ALOX15B: variants seen among roughly 807,000 people sequenced by gnomAD.
The protein encoded by ALOX15B is arachidonate 15-lipoxygenase type B.
In ALOX15B, 74 loss-of-function variants were observed where a neutral mutation model predicts 73.8. That is an observed-to-expected ratio of 1.00 (90% CI 0.83 to 1.22). The LOEUF (loss-of-function observed/expected upper bound fraction) is 1.22. ALOX15B is among the 50% of genes most tolerant of loss of function. The probability of loss-of-function intolerance (pLI) is 0.00; values close to 1 mark genes in which losing one functional copy is unlikely to be tolerated. For missense variants in ALOX15B, 896 were observed against 859.9 expected (o/e 1.04, Z -0.52); for synonymous variants, 353 against 357.2 (o/e 0.99, Z 0.13).
chr17:8,044,137 AAGGAAGGAAGGAAG>A (rs1976537593), intron 5 of ALOX15B, among the ~76,000 whole-genome samples: 2 of 148,668 alleles, frequency 1.3e-5, no homozygotes, highest in African/African-American at 5.0e-5. Context: ...GGAAGGAAGG[AAGGAAGGAAGGAAG>A]GAAAGAAAGA....
At chr17:8,041,330 T>C (rs937804292) in intron 3 of ALOX15B, among the ~76,000 whole-genome samples, 1 of 152,222 alleles carries the variant, frequency 6.6e-6, no homozygotes, top group East Asian at 1.9e-4. Context: ...TGGTTAAGAA[T>C]GTAGGTGGTC....
In ALOX15B at chr17:8,046,742, G is replaced by A. The variant is rs1444963437; in HGVS notation, c.1275G>A (p.Gln425=). 1 of 1,613,908 alleles carries A rather than the reference G, an allele frequency of 6.2e-7. No individual in the cohort carries two copies. The highest frequency in any genetic ancestry group is 2.2e-5 in the East Asian group (1 of 44,874). The change falls in exon 9 of 14, where the codon CAG becomes CAA. Residue 425 remains glutamine, a synonymous_variant. Transcript: ENST00000380183. The part of the protein sequence containing the change: ...LARELLIVPG[Q]VVDRSTGIGI... Reference sequence around the variant, plus strand: ...GGGAGCTGCTTATCGTGCCAGGGCAGGTGGTGGACAGGGTGAGAGCTGTGT... The same window carrying A: ...GGGAGCTGCTTATCGTGCCAGGGCAAGTGGTGGACAGGGTGAGAGCTGTGT...
In ALOX15B at chr17:8,044,963, G is replaced by A; in HGVS notation, c.811G>A (p.Val271Met). ...FPVTDAMVASVLGPGTSLQAE... is the reference protein window; with the variant it reads ...FPVTDAMVASMLGPGTSLQAE... ...CGTCACTGATGCCATGGTGGCCTCA[G>A]TGTTGGGTCCTGGGACCAGCTTGCA... Residue 271 changes from valine (V) to methionine (M), a missense_variant, in exon 6 of 14, where the codon GTG becomes ATG. Transcript: ENST00000380183. 8.7e-6 allele frequency: 14 copies of A among 1,614,174 alleles called. No individual in the cohort carries two copies. Among genetic ancestry groups the A allele is most frequent in the Non-Finnish European group, 1.1e-5 (13 of 1,180,034 alleles).
intron 3 of ALOX15B, among the ~76,000 whole-genome samples, chr17:8,040,365 C>T (rs544971230): frequency 1.3e-5 from 2 of 151,618 alleles, no homozygotes; most frequent in South Asian, 2.1e-4. Context: ...GCCAACAGGG[C>T]GAAACCCCAT....
At chr17:8,043,317 A>C (rs1976511466) in intron 5 of ALOX15B, among the ~76,000 whole-genome samples, 1 of 152,236 alleles carries the variant, frequency 6.6e-6, no homozygotes, top group South Asian at 2.1e-4. Flanking sequence ...GAGACCTCAA[A>C]GTTCAGTAGG....
chr17:8,048,125 G>T (rs1976663345), intron 13 of ALOX15B, among the ~76,000 whole-genome samples: 1 of 152,208 alleles, frequency 6.6e-6, no homozygotes, highest in Admixed American at 6.5e-5. Context: ...GTAGCAAGGG[G>T]AACGTGTAAT....
In ALOX15B at chr17:8,042,350, T is replaced by C; in HGVS notation, c.450-19T>C. 1 of 1,612,966 alleles carries C rather than the reference T, an allele frequency of 6.2e-7. No individual in the cohort carries two copies. The highest frequency in any genetic ancestry group is 1.1e-5 in the South Asian group (1 of 90,990). Reference sequence around the variant, plus strand: ...TCCCTGAGGCCTCTTGCTGACCACCTTCCCTCTCTACCCTCCAGGTGGAAG... The same window carrying C: ...TCCCTGAGGCCTCTTGCTGACCACCCTCCCTCTCTACCCTCCAGGTGGAAG... On this transcript the variant is annotated intron_variant, in intron 3 of 13. Transcript: ENST00000380183.
In ALOX15B at chr17:8,044,907, G is replaced by C. The variant is rs142322486; in HGVS notation, c.755G>C (p.Arg252Pro). 6.2e-7 allele frequency: 1 copy of C among 1,613,900 alleles called. No homozygotes were observed. The highest frequency in any genetic ancestry group is 8.5e-7 in the Non-Finnish European group (1 of 1,179,962). The change falls in exon 6 of 14, where the codon CGC becomes CCC. Residue 252 changes from arginine to proline, a missense_variant. Arg to Pro is a moderately radical substitution (Grantham distance 103). Coordinates refer to ENST00000380183, the MANE Select transcript of ALOX15B (RefSeq NM_001141.3). ...AATGGTCTCAACCCTGTCCTGATCC[G>C]CCGCTGTCACTACCTCCCAAAGAAC... ...FLNGLNPVLI[R>P]RCHYLPKNFP...
rs1177768139 is a variant in ALOX15B at position 8,048,532 on chromosome 17, C to T, written c.1998C>T (p.Asp666=). 1.9e-6 allele frequency: 3 copies of T among 1,613,850 alleles called. No homozygotes were observed. The highest frequency in any genetic ancestry group is 2.5e-6 in the Non-Finnish European group (3 of 1,179,920). The change falls in exon 14 of 14, where the codon GAC becomes GAT. Residue 666 remains aspartate (D), a synonymous_variant. Transcript: ENST00000380183. ...QGLVLPYTYL[D]PPLIENSVSI ...TGGTGCTGCCCTACACCTACCTAGACCCTCCCCTCATCGAGAACAGCGTCT... is the reference window on the plus strand; with the variant it reads ...TGGTGCTGCCCTACACCTACCTAGATCCTCCCCTCATCGAGAACAGCGTCT...
At chr17:8,039,693 G>C in intron 2 of ALOX15B, 88 bp downstream of exon 2, 3 of 1,340,648 alleles carry the variant, frequency 2.2e-6, no homozygotes, top group Non-Finnish European at 1.0e-6. Flanking sequence ...GTGAAATGGA[G>C]AGGTGAGCTG....
At position 8,047,593 on chromosome 17, in the gene ALOX15B, G is replaced by A. The variant is rs1976646387; in HGVS notation, c.1609G>A (p.Ala537Thr). ...ACCCTCCTCACTGGAGACCCGGGAA[G>A]CCCTGGTGCAGTATGTCACCATGGT... The part of the protein sequence containing the change: ...GIPSSLETRE[A>T]LVQYVTMVIF... The change falls in exon 12 of 14, where the codon GCC becomes ACC. Residue 537 changes from alanine (A) to threonine (T), a missense_variant. Coordinates refer to ENST00000380183, the MANE Select transcript of ALOX15B (RefSeq NM_001141.3). 1.2e-6 allele frequency: 2 copies of A among 1,609,464 alleles called. No homozygotes were observed. The highest frequency in any genetic ancestry group is 1.3e-5 in the African/African-American group (1 of 75,008).
intron 5 of ALOX15B, among the ~76,000 whole-genome samples, chr17:8,043,288 C>G (rs1446449617): frequency 6.6e-6 from 1 of 152,154 alleles, no homozygotes; most frequent in Non-Finnish European, 1.5e-5. Context: ...AAAGCTCTCC[C>G]AAGGGGGTGA....
At chr17:8,044,753 C>T in intron 5 of ALOX15B, 76 bp from the exon 6 acceptor site, 1 of 1,171,324 alleles carries the variant, frequency 8.5e-7, no homozygotes, top group Non-Finnish European at 1.2e-6. Flanking sequence ...CTGGGGTAAC[C>T]CCGTCCCCGT....
Position 8,047,843 on chromosome 17 carries a change from C to T in ALOX15B, c.1779C>T (p.Thr593=), listed in dbSNP as rs762065277. 3.7e-5 allele frequency: 59 copies of T among 1,614,068 alleles called. No homozygotes were observed. The Middle Eastern group carries it at 4.9e-4, about 13-fold the overall frequency. ...GLATCEGFIA[T]LPPVNATCDV... is the part of the protein sequence containing the mutation. The stretch of plus-strand genomic sequence containing the variant: ...CAACATGCGAGGGCTTCATAGCCAC[C>T]CTCCCACCTGTCAATGCCACATGTG... The change falls in exon 13 of 14, where the codon ACC becomes ACT. Residue 593 remains threonine (T), a synonymous_variant. Coordinates refer to ENST00000380183, the MANE Select transcript of ALOX15B (RefSeq NM_001141.3).
rs1567972940 is a variant in ALOX15B, at chr17:8,046,990, T to C, written c.1371T>C (p.Pro457=). The C allele has an allele frequency of 6.2e-7, 1 of 1,614,044 alleles. No individual in the cohort carries two copies. The highest frequency in any genetic ancestry group is 2.2e-5 in the East Asian group (1 of 44,882). Residue 457 remains proline (P), a synonymous_variant, in exon 10 of 14, where the codon CCT becomes CCC. Transcript: ENST00000380183. ...KQLNYSLLCL[P]EDIRTRGVED... ...TGAACTATTCTCTCCTGTGTCTGCC[T>C]GAGGATATCCGGACCCGAGGAGTTG...
At position 8,039,153 on chromosome 17, in the gene ALOX15B, A is replaced by G. The variant is rs1343620355; in HGVS notation, c.-3A>G. 7 of 1,612,586 alleles carry G rather than the reference A, an allele frequency of 4.3e-6. No individual in the cohort carries two copies. In the Admixed American group the frequency reaches 1.2e-4, roughly 27 times the overall value. ...CGTAGAGAGCTGGACTTAGGCTGGC[A>G]GCATGGCCGAGTTCAGGGTCAGGGT... On this transcript the variant is annotated 5_prime_UTR_variant, in exon 1 of 14. Coordinates refer to ENST00000380183, the MANE Select transcript of ALOX15B (RefSeq NM_001141.3).
rs962241495 is a variant in ALOX15B, at chr17:8,048,777, G to A, written c.*212G>A. The A allele has an allele frequency of 1.8e-6, 1 of 547,772 alleles. No individual in the cohort carries two copies. The highest frequency in any genetic ancestry group is 1.9e-5 in the African/African-American group (1 of 52,732). 33.9% of individuals were successfully genotyped at this position (547,772 alleles called of 1,614,324 possible). A position where few individuals can be genotyped will look rare whatever the true frequency, so the allele number is the denominator to read the frequency against. The stretch of plus-strand genomic sequence containing the variant: ...GAAAGCAGAAAATCTACCAAGAACA[G>A]AGTCTCAGGACAGAACCACTGAGTC... On this transcript the variant is annotated 3_prime_UTR_variant, in exon 14 of 14. Coordinates refer to ENST00000380183, the MANE Select transcript of ALOX15B (RefSeq NM_001141.3).
chr17:8,039,640 GCACA>G, intron 2 of ALOX15B, 35 bp downstream of exon 2: 1 of 1,048,470 alleles, frequency 9.5e-7, no homozygotes, highest in Non-Finnish European at 1.4e-6. Context: ...TGCAGGGGGA[GCACA>G]GGAAGGGGTA....
At chr17:8,042,698 T>C (rs1976494179) in intron 4 of ALOX15B, 83 bp from the exon 5 acceptor site, 1 of 1,402,100 alleles carries the variant, frequency 7.1e-7, no homozygotes, top group African/African-American at 1.4e-5. Flanking sequence ...TGGTTCAGGA[T>C]CCCAAGAGGC....
Sources: gnomAD v4.1 joint callset for allele counts (sites outside exome capture counted in the v4.1 genomes callset) on GRCh38, gnomAD v4.1.1 for gene constraint, MANE v1.5 for transcripts, NCBI Gene and HGNC (gene_info 2026-07-23, HGNC 2026-07-21) for gene names.